Variants in SPON2 observed in about 807,000 individuals in gnomAD.
SPON2 encodes the protein spondin 2.
SPON2 carries 32 observed loss-of-function variants against 29.9 expected under a neutral mutation model. The observed-to-expected ratio is 1.07, with a 90% CI of 0.81 to 1.44. The LOEUF (loss-of-function observed/expected upper bound fraction) is 1.44. Ranked by LOEUF, SPON2 falls within the 40% of genes most tolerant of loss-of-function variation. SPON2 has a pLI of 0.00. For missense variants in SPON2, 541 were observed against 455.5 expected, an observed-to-expected ratio of 1.19 and a Z score of -1.71; for synonymous variants, 248 against 209.1, an observed-to-expected ratio of 1.19 and a Z score of -1.61.
upstream of SPON2, among the ~76,000 whole-genome samples, chr4:1,178,162 G>A (rs989007507): frequency 6.8e-6 from 1 of 146,480 alleles, no homozygotes; most frequent in Non-Finnish European, 1.5e-5. Flanking sequence ...GCCTCCCTCC[G>A]GCCAGGCACC....
upstream of SPON2, among the ~76,000 whole-genome samples, chr4:1,197,488 A>G (rs998381723): frequency 6.6e-6 from 1 of 152,182 alleles, no homozygotes; most frequent in African/African-American, 2.4e-5. Flanking sequence ...ATATCAATCC[A>G]TAAATATCGA....
chr4:1,174,005 G>A (rs2153077531), upstream of SPON2, among the ~76,000 whole-genome samples: 1 of 149,882 alleles, frequency 6.7e-6, no homozygotes, highest in East Asian at 2.0e-4. Context: ...TTTGATACCA[G>A]CCTTGGCAAC....
At chr4:1,206,349 C>T (rs370618025) in intron 1 of SPON2, among the ~76,000 whole-genome samples, 6 of 152,362 alleles carry the variant, frequency 3.9e-5, no homozygotes, top group South Asian at 2.1e-4. Context: ...GGGCCTAGGC[C>T]GAGCTGAAGG....
At chr4:1,183,240 CAAAAAA>C (rs71168813) in intron 1 of SPON2, among the ~76,000 whole-genome samples, 1 of 129,140 alleles carries the variant, frequency 7.7e-6, no homozygotes, top group African/African-American at 3.0e-5. Context: ...GAAACTCCAT[CAAAAAA>C]AAAAAAAAAC....
chr4:1,206,553 G>A (rs1728347295), intron 1 of SPON2, among the ~76,000 whole-genome samples: 1 of 152,202 alleles, frequency 6.6e-6, no homozygotes, highest in Non-Finnish European at 1.5e-5. Flanking sequence ...TGTGTCCCCT[G>A]TGGGAGGGCT....
intron 2 of SPON2, among the ~76,000 whole-genome samples, chr4:1,178,820 G>C (rs1448049554): frequency 6.6e-6 from 1 of 152,136 alleles, no homozygotes; most frequent in Admixed American, 6.5e-5. Flanking sequence ...TGGACTGAGT[G>C]TCCAAGGGTG....
rs371203962 is a variant in SPON2, at chr4:1,171,872, G to T, written c.200C>A (p.Ala67Glu). 4 of 1,612,754 alleles carry T rather than the reference G, an allele frequency of 2.5e-6. No individual in the cohort carries two copies. The highest frequency in any genetic ancestry group is 2.5e-6 in the Non-Finnish European group (3 of 1,179,736). Residue 67 changes from alanine (A) to glutamate (E), a missense_variant, in exon 2 of 6, where the codon GCG becomes GAG. Coordinates refer to ENST00000290902, the MANE Select transcript of SPON2 (RefSeq NM_012445.4). ...CTTACCCAGCAGCGAAGACCACTGC[G>T]CAGGGGGGCGGAACAGGGGGTACTG... The part of the protein sequence containing the change: ...PKQYPLFRPP[A>E]QWSSLLGAAH...
chr4:1,170,824 G>A, intron 4 of SPON2, 175 bp downstream of exon 4: 2 of 1,037,358 alleles, frequency 1.9e-6, no homozygotes, highest in East Asian at 2.6e-5. Flanking sequence ...CGGGTTGGGA[G>A]AGTATGGGAG....
At chr4:1,181,461 T>C (rs1245614170) in intron 1 of SPON2, among the ~76,000 whole-genome samples, 1 of 152,056 alleles carries the variant, frequency 6.6e-6, no homozygotes, top group Non-Finnish European at 1.5e-5. Context: ...GGCAGTGACA[T>C]GGGGACCTAG....
At chr4:1,176,723 CATTG>C (rs1362712958), upstream of SPON2, among the ~76,000 whole-genome samples, 1 of 152,074 alleles carries the variant, frequency 6.6e-6, no homozygotes, top group Non-Finnish European at 1.5e-5. Context: ...CCACACAGTA[CATTG>C]ATTCACACAG....
intron 4 of SPON2, 88 bp from the exon 5 acceptor site, chr4:1,170,664 G>A (rs775207671): frequency 9.8e-6 from 14 of 1,430,288 alleles, no homozygotes; most frequent in South Asian, 7.3e-5. Flanking sequence ...ACTGCCCAGC[G>A]TCCAGCGTGC....
chr4:1,171,239 G>A, intron 3 of SPON2, 24 bp downstream of exon 3: 1 of 1,427,514 alleles, frequency 7.0e-7, no homozygotes, highest in Non-Finnish European at 9.1e-7. Context: ...CCCGGACCCC[G>A]CCCCCGGCCG....
intron 1 of SPON2, among the ~76,000 whole-genome samples, chr4:1,191,829 C>A (rs1727920533): frequency 6.6e-6 from 1 of 152,132 alleles, no homozygotes. Context: ...GAGGAGGTGC[C>A]CACAAGTTAC....
chr4:1,168,640 G>A (rs1197733452), intron 5 of SPON2, among the ~76,000 whole-genome samples: 2 of 152,234 alleles, frequency 1.3e-5, no homozygotes, highest in East Asian at 3.8e-4. Flanking sequence ...ACACAGAGCT[G>A]CTGGCAGATC....
intron 1 of SPON2, among the ~76,000 whole-genome samples, chr4:1,181,727 C>A (rs1727704806): frequency 6.6e-6 from 1 of 152,208 alleles, no homozygotes; most frequent in African/African-American, 2.4e-5. Flanking sequence ...TAGCAGTTTA[C>A]AGACAGCTTT....
At chr4:1,201,292 A>G in intron 1 of SPON2, 1 of 375,944 alleles carries the variant, frequency 2.7e-6, no homozygotes, top group Admixed American at 2.9e-5. Flanking sequence ...CCCGGCCGTG[A>G]GTCCCCAGCC....
chr4:1,199,546 C>G (rs773737943), upstream of SPON2: 37 of 152,178 alleles, frequency 2.4e-4, no homozygotes, highest in Non-Finnish European at 2.6e-4. The surrounding 1 kb of genome is among the most constrained non-coding windows in gnomAD (Gnocchi z 4.5). Flanking sequence ...GCCATGGCAA[C>G]TGAGTAGTTG....
intron 2 of SPON2, 76 bp from the exon 3 acceptor site, chr4:1,171,562 G>C: frequency 1.4e-6 from 2 of 1,439,406 alleles, no homozygotes; most frequent in Non-Finnish European, 1.9e-6. Context: ...GGGCGCCCCA[G>C]GAAATCCCTC....
At chr4:1,186,705 A>G (rs1193076631) in intron 1 of SPON2, among the ~76,000 whole-genome samples, 2 of 152,244 alleles carry the variant, frequency 1.3e-5, no homozygotes, top group Non-Finnish European at 2.9e-5. Flanking sequence ...CAATTTAAAA[A>G]TGGGCAGAGG....
Sources: allele counts gnomAD v4.1 joint callset (sites outside exome capture counted in the v4.1 genomes callset), GRCh38; gene constraint gnomAD v4.1.1; non-coding constraint Gnocchi (gnomAD v3.1); transcripts MANE v1.5; gene names NCBI Gene and HGNC (gene_info 2026-07-23, HGNC 2026-07-21).